The following UBE2H variants were observed in gnomAD, a reference collection of about 807,000 sequenced individuals.
The protein encoded by UBE2H is ubiquitin-conjugating enzyme E2 H.
Under a neutral mutation model 29.0 loss-of-function variants are expected in UBE2H, and 3 were observed. The ratio of observed to expected loss-of-function variants is 0.10; its 90% CI spans 0.05 to 0.27. The LOEUF (loss-of-function observed/expected upper bound fraction) is 0.27. Among genes scored for constraint, UBE2H ranks in the 10% least tolerant of loss-of-function variants. The probability of loss-of-function intolerance (pLI) is 1.00; values close to 1 mark genes in which losing one functional copy is unlikely to be tolerated. For missense variants in UBE2H, 68 were observed against 228.2 expected, an observed-to-expected ratio of 0.30 and a Z score of 4.52; for synonymous variants, 69 against 82.9, an observed-to-expected ratio of 0.83 and a Z score of 0.91.
intron 1 of UBE2H, among the ~76,000 whole-genome samples, chr7:129,916,907 G>A (rs2116460233): frequency 1.3e-5 from 2 of 152,180 alleles, no homozygotes; most frequent in Admixed American, 1.3e-4. Flanking sequence ...AGTGGTGGCG[G>A]GCGCCTGTAG....
intron 1 of UBE2H, among the ~76,000 whole-genome samples, chr7:129,913,419 A>G (rs1806979765): frequency 6.6e-6 from 1 of 152,106 alleles, no homozygotes; most frequent in Non-Finnish European, 1.5e-5. Context: ...GAAAGCATTC[A>G]CCTTGACCTG....
At chr7:129,927,638 T>A (rs1807297691) in intron 1 of UBE2H, among the ~76,000 whole-genome samples, 1 of 152,162 alleles carries the variant, frequency 6.6e-6, no homozygotes, top group African/African-American at 2.4e-5. Context: ...CATAAAAAAA[T>A]TAAAACCACA....
At chr7:129,937,493 T>C (rs1219224960) in intron 1 of UBE2H, among the ~76,000 whole-genome samples, 1 of 152,208 alleles carries the variant, frequency 6.6e-6, no homozygotes, top group African/African-American at 2.4e-5. Context: ...CATTAATTAC[T>C]CCAAGAGAAA....
intron 5 of UBE2H, among the ~76,000 whole-genome samples, chr7:129,845,715 C>T (rs1052979054): frequency 2.6e-5 from 4 of 152,216 alleles, no homozygotes; most frequent in African/African-American, 4.8e-5. Flanking sequence ...AGAAAGCTGG[C>T]TCCTCAGTGG....
rs1462513965 is a variant in UBE2H at position 129,951,119 on chromosome 7, T to C, written c.53+1384A>G. ...AAATCTCTTGCCCAGACAACTTCCC[T>C]CCCATCCCCCACTGCCAAACCATAT... On this transcript the variant is annotated intron_variant, in intron 1 of 6. Coordinates refer to ENST00000355621, the MANE Select transcript of UBE2H (RefSeq NM_003344.4). Among the ~76,000 whole-genome samples the C allele has an allele frequency of 2.0e-5, 3 of 152,180 alleles. No homozygotes were observed. In the East Asian group the frequency reaches 5.8e-4, roughly 29 times the overall value.
At chr7:129,887,218 CTTT>C (rs58727788) in intron 1 of UBE2H, among the ~76,000 whole-genome samples, 11 of 103,956 alleles carry the variant, frequency 1.1e-4, no homozygotes, top group Admixed American at 1.1e-4. Flanking sequence ...CTCTCTTGAA[CTTT>C]TTTTTTTTTT....
rs1315102260 is a variant in UBE2H, at chr7:129,952,526, C to T, written c.30G>A (p.Arg10=). 21 of 1,613,094 alleles carry T rather than the reference C, an allele frequency of 1.3e-5. No homozygotes were observed. Among genetic ancestry groups the T allele is most frequent in the Non-Finnish European group, 1.7e-5 (20 of 1,179,502 alleles). MSSPSPGKR[R]MDTDVVKLIE... ...ACAGCTTGACCACGTCCGTGTCCAT[C>T]CGCCTCTTGCCCGGACTGGGAGATG... The change falls in exon 1 of 7, where the codon CGG becomes CGA. Residue 10 remains arginine, a synonymous_variant. Coordinates refer to ENST00000355621, the MANE Select transcript of UBE2H (RefSeq NM_003344.4).
chr7:129,878,076 T>C (rs1806182433), intron 3 of UBE2H, among the ~76,000 whole-genome samples: 1 of 152,132 alleles, frequency 6.6e-6, no homozygotes, highest in African/African-American at 2.4e-5. Context: ...AATGGCTGAG[T>C]AGACAGAAAC....
At chr7:129,905,093 T>C (rs578233597) in intron 1 of UBE2H, among the ~76,000 whole-genome samples, 1 of 151,982 alleles carries the variant, frequency 6.6e-6, no homozygotes, top group East Asian at 1.9e-4. Context: ...GAAAATCTGG[T>C]TTTCCACATA....
At chr7:129,849,518 C>A (rs942399144) in intron 5 of UBE2H, among the ~76,000 whole-genome samples, 1 of 152,114 alleles carries the variant, frequency 6.6e-6, no homozygotes, top group Non-Finnish European at 1.5e-5. Context: ...GCAGAGGTTG[C>A]AGTGAGCCAA....
intron 1 of UBE2H, among the ~76,000 whole-genome samples, chr7:129,947,260 T>C (rs1445400384): frequency 1.3e-5 from 2 of 152,236 alleles, no homozygotes; most frequent in Non-Finnish European, 2.9e-5. Context: ...TATGTTATAT[T>C]TGTCACCAAA....
At chr7:129,842,860 G>A (rs971270195) in intron 5 of UBE2H, among the ~76,000 whole-genome samples, 4 of 152,140 alleles carry the variant, frequency 2.6e-5, no homozygotes, top group African/African-American at 7.2e-5. Context: ...CCCAGACTGC[G>A]CCATTGCACC....
In UBE2H at chr7:129,832,460, ACACT is replaced by A. The variant is rs1013528329; in HGVS notation, c.*2473_*2476del. On this transcript the variant is annotated 3_prime_UTR_variant, in exon 7 of 7. Coordinates refer to ENST00000355621, the MANE Select transcript of UBE2H (RefSeq NM_003344.4). ...CACACACACTTAGATGGACACACAC[ACACT>A]CTCGCTCACACTCTCACACATGTGC... 7 of 146,936 alleles carry A rather than the reference ACACT, an allele frequency of 4.8e-5. No individual in the cohort carries two copies. Among genetic ancestry groups the A allele is most frequent in the African/African-American group, 1.5e-4 (6 of 39,252 alleles). The allele number at this position is 146,936 out of a possible 1,614,324, so 9.1% of individuals were successfully genotyped here. A position where few individuals can be genotyped will look rare whatever the true frequency, so the allele number is the denominator to read the frequency against.
chr7:129,844,990 C>T (rs142326322), intron 5 of UBE2H, among the ~76,000 whole-genome samples: 337 of 152,192 alleles, frequency 2.2e-3, no homozygotes, highest in Non-Finnish European at 3.4e-3. Context: ...ATTAGCCAGG[C>T]GTGGTGGTGG....
At chr7:129,914,576 T>C (rs1807006453) in intron 1 of UBE2H, among the ~76,000 whole-genome samples, 2 of 152,174 alleles carry the variant, frequency 1.3e-5, no homozygotes, top group Admixed American at 1.3e-4. Flanking sequence ...TAAGAGGTCA[T>C]ATGATACACT....
At position 129,864,533 on chromosome 7, in the gene UBE2H, G is replaced by C. The variant is rs191897568; in HGVS notation, c.206-5592C>G. On this transcript the variant is annotated intron_variant, in intron 3 of 6. Coordinates refer to ENST00000355621, the MANE Select transcript of UBE2H (RefSeq NM_003344.4). ...TGATTTAAGATTTTATTCACTACCA[G>C]GCATTTTCTTTTTCTTTTCTTTCTT... Among the ~76,000 whole-genome samples the C allele has an allele frequency of 8.3e-4, 123 of 147,716 alleles. 2 individuals are homozygous for C. Among genetic ancestry groups the C allele is most frequent in the Non-Finnish European group, 1.5e-3 (103 of 67,152 alleles).
At chr7:129,899,461 C>T (rs1259162170) in intron 1 of UBE2H, among the ~76,000 whole-genome samples, 1 of 152,008 alleles carries the variant, frequency 6.6e-6, no homozygotes, top group Non-Finnish European at 1.5e-5. Context: ...TTGTCCAGTG[C>T]TTTTTTTTCT....
rs555091451 is a variant in UBE2H at position 129,880,982 on chromosome 7, C to T, written c.54-11G>A. On this transcript the variant is annotated splice_polypyrimidine_tract_variant and intron_variant, in intron 1 of 6. Transcript: ENST00000355621. Reference sequence around the variant, plus strand: ...TGTTTACTCTCGATGCTAAGGTGGACGGTAAAGGAAATTACACAGGCTTTA... The same window carrying T: ...TGTTTACTCTCGATGCTAAGGTGGATGGTAAAGGAAATTACACAGGCTTTA... 364 of 1,609,974 alleles carry T rather than the reference C, an allele frequency of 2.3e-4. 4 individuals carry two copies. In the South Asian group the frequency reaches 3.8e-3, roughly 17 times the overall value.
intron 1 of UBE2H, among the ~76,000 whole-genome samples, chr7:129,904,130 T>G (rs1204688807): frequency 1.3e-5 from 2 of 152,198 alleles, no homozygotes. Context: ...ATTCTTCCTC[T>G]CTTACCTTTC....
Sources: gnomAD v4.1 joint callset for allele counts (sites outside exome capture counted in the v4.1 genomes callset) on GRCh38, gnomAD v4.1.1 for gene constraint, MANE v1.5 for transcripts, NCBI Gene and HGNC (gene_info 2026-07-23, HGNC 2026-07-21) for gene names.